Variants in CHST5 observed in about 807,000 individuals in gnomAD.
The protein encoded by CHST5 is carbohydrate sulfotransferase 5.
For synonymous variants in CHST5, 313 were observed against 279.2 expected, an observed-to-expected ratio of 1.12 and a Z score of -1.21; for missense variants, 637 against 602.1, an observed-to-expected ratio of 1.06 and a Z score of -0.61.
Position 75,531,475 on chromosome 16 carries a change from T to C in CHST5, c.-1091A>G. ...CCAGAAGGAGGGTGTCCTGGAGCCC[T>C]GTGGGTTTGCAAGAAGATCAGTTGA... On this transcript the variant is annotated 5_prime_UTR_variant, in exon 4 of 4. Coordinates refer to ENST00000336257, the MANE Select transcript of CHST5 (RefSeq NM_024533.5). The C allele has an allele frequency of 2.3e-6, 3 of 1,281,442 alleles. No individual in the cohort carries two copies. Among genetic ancestry groups the C allele is most frequent in the Non-Finnish European group, 3.1e-6 (3 of 975,736 alleles). 79.4% of individuals were successfully genotyped at this position (1,281,442 alleles called of 1,614,324 possible).
In CHST5 at chr16:75,533,168, C is replaced by G. The variant is rs2080537375; in HGVS notation, c.-1336G>C. On this transcript the variant is annotated 5_prime_UTR_variant, in exon 3 of 4. Coordinates refer to ENST00000336257, the MANE Select transcript of CHST5 (RefSeq NM_024533.5). Reference sequence around the variant, plus strand: ...ACACAGAGTCTCCAGAAGACCAGTTCCTCACTGGGAGCTTTCTGATAAGGA... The same window carrying G: ...ACACAGAGTCTCCAGAAGACCAGTTGCTCACTGGGAGCTTTCTGATAAGGA... The G allele has an allele frequency of 1.4e-6, 1 of 702,408 alleles. No homozygotes were observed. Among genetic ancestry groups the G allele is most frequent in the African/African-American group, 1.7e-5 (1 of 57,382 alleles). 43.5% of individuals were successfully genotyped at this position (702,408 alleles called of 1,614,324 possible). A position where few individuals can be genotyped will look rare whatever the true frequency, so the allele number is the denominator to read the frequency against.
In CHST5 at chr16:75,530,171, G is replaced by A; in HGVS notation, c.214C>T (p.Arg72Cys). The change falls in exon 4 of 4, where the codon CGC becomes TGC. Residue 72 changes from arginine (R) to cysteine (C), a missense_variant. Transcript: ENST00000336257. ...RVHVLVLSSW[R>C]SGSSFLGQLF... Reference sequence around the variant, plus strand: ...TGGCCCAAGAAGGATGAGCCCGAGCGCCACGAGGACAGCACCAGCACGTGC... The same window carrying A: ...TGGCCCAAGAAGGATGAGCCCGAGCACCACGAGGACAGCACCAGCACGTGC... The A allele has an allele frequency of 6.2e-7, 1 of 1,613,586 alleles. No individual in the cohort carries two copies. The highest frequency in any genetic ancestry group is 8.5e-7 in the Non-Finnish European group (1 of 1,179,952).
At position 75,535,677 on chromosome 16, in the gene CHST5, C is replaced by G. The variant is rs776931197; in HGVS notation, c.-1634-268G>C. 2.0e-5 allele frequency among the ~76,000 whole-genome samples: 3 copies of G among 152,194 alleles called. 1 individual carries two copies. Among genetic ancestry groups the G allele is most frequent in the Admixed American group, 6.5e-5 (1 of 15,286 alleles). ...GAAGGAAGGAAGGAGCAGGTTTTGC[C>G]CCCAGCTCCCTCTCCCCACCCCCGA... On this transcript the variant is annotated intron_variant, in intron 1 of 3. Coordinates refer to ENST00000336257, the MANE Select transcript of CHST5 (RefSeq NM_024533.5).
At chr16:75,534,266 G>A (rs1472120793) in intron 2 of CHST5, among the ~76,000 whole-genome samples, 1 of 152,058 alleles carries the variant, frequency 6.6e-6, no homozygotes, top group Non-Finnish European at 1.5e-5. Context: ...GAACCCAGGA[G>A]GTGGAGATTA....
At position 75,530,020 on chromosome 16, in the gene CHST5, AAGAT is replaced by A. The variant is rs746696983; in HGVS notation, c.361_364del (p.Ile121PhefsTer142). 425 of 1,613,402 alleles carry A rather than the reference AAGAT, an allele frequency of 2.6e-4. 1 individual carries two copies. The highest frequency in any genetic ancestry group is 3.2e-4 in the Non-Finnish European group (377 of 1,179,972). The stretch of plus-strand genomic sequence containing the variant: ...ATCAAACACGTCCATGTCGCACAAA[AAGAT>A]AGAGCGCATCAGGTCGCGCACGGCC... On this transcript the variant is annotated frameshift_variant, in exon 4 of 4. Coordinates refer to ENST00000336257, the MANE Select transcript of CHST5 (RefSeq NM_024533.5). LOFTEE classifies it low-confidence loss of function (END_TRUNC).
chr16:75,530,832 A>C lies in CHST5; in HGVS notation c.-448T>G. 3.0e-6 allele frequency: 3 copies of C among 1,002,722 alleles called. No individual in the cohort carries two copies. Among genetic ancestry groups the C allele is most frequent in the Non-Finnish European group, 3.6e-6 (3 of 828,130 alleles). 62.1% of individuals were successfully genotyped at this position (1,002,722 alleles called of 1,614,324 possible). On this transcript the variant is annotated 5_prime_UTR_variant, in exon 4 of 4. Transcript: ENST00000336257. The stretch of plus-strand genomic sequence containing the variant: ...GATCTTGCTTATGAAGATCACTTAA[A>C]TCTCTCTGTGACGGATCACTTTACC...
At position 75,533,175 on chromosome 16, in the gene CHST5, G is replaced by A. The variant is rs1351748850; in HGVS notation, c.-1343C>T. ...GTCTCCAGAAGACCAGTTCCTCACTGGGAGCTTTCTGATAAGGAGACTTAC... is the reference window on the plus strand; with the variant it reads ...GTCTCCAGAAGACCAGTTCCTCACTAGGAGCTTTCTGATAAGGAGACTTAC... On this transcript the variant is annotated 5_prime_UTR_variant, in exon 3 of 4. Coordinates refer to ENST00000336257, the MANE Select transcript of CHST5 (RefSeq NM_024533.5). 5 of 702,390 alleles carry A rather than the reference G, an allele frequency of 7.1e-6. No individual in the cohort carries two copies. The highest frequency in any genetic ancestry group is 1.5e-5 in the South Asian group (1 of 67,598). 43.5% of individuals were successfully genotyped at this position (702,390 alleles called of 1,614,324 possible).
rs573274088 is a variant in CHST5 at position 75,530,501 on chromosome 16, G to A, written c.-117C>T. 1.6e-5 allele frequency: 23 copies of A among 1,449,126 alleles called. No homozygotes were observed. Among genetic ancestry groups the A allele is most frequent in the South Asian group, 1.5e-4 (10 of 67,090 alleles). 89.8% of individuals were successfully genotyped at this position (1,449,126 alleles called of 1,614,324 possible). A position where few individuals can be genotyped will look rare whatever the true frequency, so the allele number is the denominator to read the frequency against. On this transcript the variant is annotated 5_prime_UTR_variant, in exon 4 of 4. Coordinates refer to ENST00000336257, the MANE Select transcript of CHST5 (RefSeq NM_024533.5). The stretch of plus-strand genomic sequence containing the variant: ...CAGTCGAGCACTTTCCCAGGAATAC[G>A]GAGTCAAGACATAGGCCAGAATATA...
intron 2 of CHST5, among the ~76,000 whole-genome samples, chr16:75,534,166 T>C (rs1420174439): frequency 6.6e-6 from 1 of 150,836 alleles, no homozygotes; most frequent in Non-Finnish European, 1.5e-5. Flanking sequence ...CTGGCCAACA[T>C]GGTGAAACCC....
At position 75,533,133 on chromosome 16, in the gene CHST5, A is replaced by T; in HGVS notation, c.-1301T>A. The T allele has an allele frequency of 1.4e-6, 1 of 702,224 alleles. No individual in the cohort carries two copies. The allele number at this position is 702,224 out of a possible 1,614,324, so 43.5% of individuals were successfully genotyped here. A position where few individuals can be genotyped will look rare whatever the true frequency, so the allele number is the denominator to read the frequency against. ...GAGGTCTTCTTAAGGTGGTTGAATC[A>T]CTCTATGCCACACAGAGTCTCCAGA... On this transcript the variant is annotated 5_prime_UTR_variant, in exon 3 of 4. Coordinates refer to ENST00000336257, the MANE Select transcript of CHST5 (RefSeq NM_024533.5).
In CHST5 at chr16:75,531,074, G is replaced by A. The variant is rs2080515794; in HGVS notation, c.-690C>T. The A allele has an allele frequency of 2.0e-6, 2 of 998,256 alleles. No individual in the cohort carries two copies. Among genetic ancestry groups the A allele is most frequent in the South Asian group, 4.7e-5 (1 of 21,380 alleles). The allele number at this position is 998,256 out of a possible 1,614,324, so 61.8% of individuals were successfully genotyped here. ...GCGGTGGCTCACGCCTGTAATCCCAGCATTATGGGAGGCCGAGGCGGGCGG... is the reference window on the plus strand; with the variant it reads ...GCGGTGGCTCACGCCTGTAATCCCAACATTATGGGAGGCCGAGGCGGGCGG... On this transcript the variant is annotated 5_prime_UTR_variant, in exon 4 of 4. Coordinates refer to ENST00000336257, the MANE Select transcript of CHST5 (RefSeq NM_024533.5).
At position 75,529,834 on chromosome 16, in the gene CHST5, C is replaced by T. The variant is rs201072221; in HGVS notation, c.551G>A (p.Arg184Gln). ...GTGGCTGTAGGAGCGGCAGGCCTCC[C>T]GGGCCAGGCTGAATGGCTGCCGCGT... ...LCTRQPFSLAREACRSYSHVV... is the reference protein window; with the variant it reads ...LCTRQPFSLAQEACRSYSHVV... The change falls in exon 4 of 4, where the codon CGG becomes CAG. Residue 184 changes from arginine (R) to glutamine (Q), a missense_variant. Physicochemically the swap from Arg to Gln is conservative, Grantham distance 43 (BLOSUM62 1). Transcript: ENST00000336257. 2,407 of 1,613,614 alleles carry T rather than the reference C, an allele frequency of 1.5e-3. 55 individuals are homozygous for T. In the East Asian group the frequency reaches 0.046, roughly 31 times the overall value.
At position 75,529,954 on chromosome 16, in the gene CHST5, T is replaced by A. The variant is rs779926212; in HGVS notation, c.431A>T (p.Asn144Ile). 1.9e-6 allele frequency: 3 copies of A among 1,613,300 alleles called. No homozygotes were observed. The highest frequency in any genetic ancestry group is 2.5e-6 in the Non-Finnish European group (3 of 1,179,954). Reference protein sequence around the residue: ...PQSRNLSAFFNWATSRALCSP... With the variant: ...PQSRNLSAFFIWATSRALCSP... Reference sequence around the variant, plus strand: ...GCACAGCGCGCGGCTCGTTGCCCAGTTGAAAAAGGCGGACAGGTTTCGGCT... The same window carrying A: ...GCACAGCGCGCGGCTCGTTGCCCAGATGAAAAAGGCGGACAGGTTTCGGCT... The change falls in exon 4 of 4, where the codon AAC (asparagine) becomes ATC (isoleucine). Residue 144 changes from asparagine (N) to isoleucine (I), a missense_variant. Transcript: ENST00000336257.
At position 75,529,096 on chromosome 16, in the gene CHST5, G is replaced by A. The variant is rs2080486623; in HGVS notation, c.*53C>T. On this transcript the variant is annotated 3_prime_UTR_variant, in exon 4 of 4. Coordinates refer to ENST00000336257, the MANE Select transcript of CHST5 (RefSeq NM_024533.5). ...CCAGCTCCCTCTCCACCATGCAGTC[G>A]CCTCCTGGGCCTGGCGACCACAGTT... 2.5e-5 allele frequency: 38 copies of A among 1,503,672 alleles called. 1 individual carries two copies. In the South Asian group the frequency reaches 3.4e-4, roughly 13 times the overall value. 93.1% of individuals were successfully genotyped at this position (1,503,672 alleles called of 1,614,324 possible). A position where few individuals can be genotyped will look rare whatever the true frequency, so the allele number is the denominator to read the frequency against.
rs1466788359 is a variant in CHST5 at position 75,530,801 on chromosome 16, G to C, written c.-417C>G. 1 of 1,020,844 alleles carries C rather than the reference G, an allele frequency of 9.8e-7. No homozygotes were observed. The highest frequency in any genetic ancestry group is 1.2e-6 in the Non-Finnish European group (1 of 839,574). The allele number at this position is 1,020,844 out of a possible 1,614,324, so 63.2% of individuals were successfully genotyped here. A position where few individuals can be genotyped will look rare whatever the true frequency, so the allele number is the denominator to read the frequency against. ...TGAATCCTGGCTCTGCCACTTCCTAGCCTATGATCTTGCTTATGAAGATCA... is the reference window on the plus strand; with the variant it reads ...TGAATCCTGGCTCTGCCACTTCCTACCCTATGATCTTGCTTATGAAGATCA... On this transcript the variant is annotated 5_prime_UTR_variant, in exon 4 of 4. Coordinates refer to ENST00000336257, the MANE Select transcript of CHST5 (RefSeq NM_024533.5).
Position 75,529,457 on chromosome 16 carries a change from A to T in CHST5, c.928T>A (p.Tyr310Asn). ...GTGAGGGTCAGGCCGGTGAAGGCGT[A>T]GAGTGCGCGGATCTCTGCCAGCGGC... ...REPLAEIRAL[Y>N]AFTGLTLTPQ... Residue 310 changes from tyrosine (Y) to asparagine (N), a missense_variant, in exon 4 of 4, where the codon TAC becomes AAC. Coordinates refer to ENST00000336257, the MANE Select transcript of CHST5 (RefSeq NM_024533.5). 1.9e-6 allele frequency: 3 copies of T among 1,612,852 alleles called. No individual in the cohort carries two copies. Among genetic ancestry groups the T allele is most frequent in the Non-Finnish European group, 2.5e-6 (3 of 1,179,908 alleles).
At chr16:75,532,676 G>A (rs1312895904) in intron 3 of CHST5, among the ~76,000 whole-genome samples, 2 of 152,138 alleles carry the variant, frequency 1.3e-5, no homozygotes, top group Non-Finnish European at 1.5e-5. Context: ...CCCCACCTCC[G>A]CTACAAGTGC....
intron 2 of CHST5, among the ~76,000 whole-genome samples, chr16:75,533,501 C>T (rs564206501): frequency 6.6e-6 from 1 of 152,290 alleles, no homozygotes; most frequent in Non-Finnish European, 1.5e-5. Context: ...GAAGGACTGT[C>T]CCCTTCCCCT....
chr16:75,533,368 G>A (rs1163662539), intron 2 of CHST5, among the ~76,000 whole-genome samples, 185 bp from the exon 3 acceptor site: 1 of 152,118 alleles, frequency 6.6e-6, no homozygotes, highest in Non-Finnish European at 1.5e-5. Flanking sequence ...GGGGCTCAGA[G>A]ACATTAATAC....
Sources: allele counts gnomAD v4.1 joint callset (sites outside exome capture counted in the v4.1 genomes callset), GRCh38; gene constraint gnomAD v4.1.1; transcripts MANE v1.5; gene names NCBI Gene and HGNC (gene_info 2026-07-23, HGNC 2026-07-21).